The following PTPRF variants were observed in gnomAD, a reference collection of about 807,000 sequenced individuals.
The protein encoded by PTPRF is receptor-type tyrosine-protein phosphatase F.
A neutral mutation model predicts 201.8 loss-of-function variants in PTPRF; 59 were observed. The observed-to-expected ratio is 0.29, with a 90% confidence interval of 0.24 to 0.36. The LOEUF is 0.36. PTPRF is among the 10% of genes least tolerant of loss of function. The pLI is 1.00. For missense variants in PTPRF, 2,132 were observed against 2,690.5 expected (o/e 0.79, Z 4.59); for synonymous variants, 1,088 against 1,089.7 (o/e 1.00, Z 0.03).
At chr1:43,612,840 C>A (rs749762482) in intron 22 of PTPRF, 4 of 1,340,526 alleles carry the variant, frequency 3.0e-6, no homozygotes, top group Non-Finnish European at 4.0e-6. Flanking sequence ...GATACTTTGG[C>A]TTCTGTGTCT....
chr1:43,527,009 T>C (rs1362735017), upstream of PTPRF, among the ~76,000 whole-genome samples: 2 of 152,222 alleles, frequency 1.3e-5, no homozygotes, highest in Non-Finnish European at 2.9e-5. Context: ...TAGGGAAATC[T>C]TGCTGATCTG....
chr1:43,618,624 C>A lies in PTPRF; in HGVS notation c.4372-6C>A. The A allele has an allele frequency of 3.1e-6, 5 of 1,593,138 alleles. No homozygotes were observed. Among genetic ancestry groups the A allele is most frequent in the Non-Finnish European group, 4.3e-6 (5 of 1,162,848 alleles). Reference sequence around the variant, plus strand: ...CCTTCAGCCTGCCCTGCTCATCCTCCTGCAGGTAAAATGTGATCAGTACTG... The same window carrying A: ...CCTTCAGCCTGCCCTGCTCATCCTCATGCAGGTAAAATGTGATCAGTACTG... On this transcript the variant is annotated splice_polypyrimidine_tract_variant and splice_region_variant and intron_variant, in intron 25 of 33. Coordinates refer to ENST00000359947, the MANE Select transcript of PTPRF (RefSeq NM_002840.5).
intron 7 of PTPRF, among the ~76,000 whole-genome samples, chr1:43,584,076 G>A (rs902662223): frequency 6.6e-6 from 1 of 152,220 alleles, no homozygotes; most frequent in African/African-American, 2.4e-5. Flanking sequence ...GAGCAGGTCT[G>A]TTTGGGGCTT....
chr1:43,613,497 C>T (rs1384108023), intron 22 of PTPRF, 121 bp from the exon 23 acceptor site: 1 of 812,704 alleles, frequency 1.2e-6, no homozygotes, highest in South Asian at 1.5e-5. Flanking sequence ...TCCATGCCAC[C>T]AGTTCCAAGT....
intron 5 of PTPRF, among the ~76,000 whole-genome samples, chr1:43,567,200 G>A (rs1399129946): frequency 6.6e-6 from 1 of 152,062 alleles, no homozygotes; most frequent in African/African-American, 2.4e-5. Context: ...GGCCCTAGCA[G>A]CCCCGAGTGT....
chr1:43,553,948 G>C lies in PTPRF; in HGVS notation c.379+7G>C. 6.2e-7 allele frequency: 1 copy of C among 1,613,580 alleles called. No individual in the cohort carries two copies. Among genetic ancestry groups the C allele is most frequent in the Non-Finnish European group, 8.5e-7 (1 of 1,179,582 alleles). On this transcript the variant is annotated splice_region_variant and intron_variant, in intron 5 of 33. Transcript: ENST00000359947. The surrounding 1 kb of genome is among the most constrained non-coding windows in gnomAD (Gnocchi z 4.1). Reference sequence around the variant, plus strand: ...AAGCTCTCAGTGCTCGAAGGTACGTGCTAGGGAGACGTGGCACGGTGGGCT... The same window carrying C: ...AAGCTCTCAGTGCTCGAAGGTACGTCCTAGGGAGACGTGGCACGGTGGGCT...
Position 43,603,368 on chromosome 1 carries a change from C to A in PTPRF, c.2341-48C>A. On this transcript the variant is annotated intron_variant, in intron 14 of 33. Coordinates refer to ENST00000359947, the MANE Select transcript of PTPRF (RefSeq NM_002840.5). This position sits in a 1 kb window ranked among gnomAD's most constrained non-coding sequence, Gnocchi z 5.8. ...CCTGAGGTCCCTGACAAGGTCTGGC[C>A]TCTCCCTGCATTCTTGTGATGGGAA... 4 of 1,552,414 alleles carry A rather than the reference C, an allele frequency of 2.6e-6. No homozygotes were observed. The highest frequency in any genetic ancestry group is 2.7e-6 in the Non-Finnish European group (3 of 1,124,024).
chr1:43,592,550 A>C lies in PTPRF; in HGVS notation c.1762A>C (p.Met588Leu). The change falls in exon 11 of 34, where the codon ATG (methionine) becomes CTG (leucine). Residue 588 changes from methionine (M) to leucine (L), a missense_variant. By Grantham distance (15) the Met-to-Leu change is conservative. Coordinates refer to ENST00000359947, the MANE Select transcript of PTPRF (RefSeq NM_002840.5). The part of the protein sequence containing the change: ...YRFQLAARSD[M>L]GVGVFTPTIE... ...CTTCCAGCTGGCTGCACGCTCGGAT[A>C]TGGGGGTGGGCGTCTTCACCCCCAC... 6.2e-7 allele frequency: 1 copy of C among 1,610,774 alleles called. No homozygotes were observed. The highest frequency in any genetic ancestry group is 8.5e-7 in the Non-Finnish European group (1 of 1,178,968).
chr1:43,527,388 G>A (rs1054587971), upstream of PTPRF, among the ~76,000 whole-genome samples: 1 of 152,208 alleles, frequency 6.6e-6, no homozygotes. Context: ...CCCAGGCCCG[G>A]CCACCTGAGC....
chr1:43,532,995 A>G lies in PTPRF; in HGVS notation c.-126+1905A>G, dbSNP rs150073185. Among the ~76,000 whole-genome samples, 12 of 152,330 alleles carry G rather than the reference A, an allele frequency of 7.9e-5. 1 individual carries two copies. The East Asian group carries it at 2.1e-3, about 27-fold the overall frequency. On this transcript the variant is annotated intron_variant, in intron 1 of 33. Coordinates refer to ENST00000359947, the MANE Select transcript of PTPRF (RefSeq NM_002840.5). Reference sequence around the variant, plus strand: ...GCACACTCTCGCAGCATACCTGTGCACATGCACAGTCATCCTTGTGTATTT... The same window carrying G: ...GCACACTCTCGCAGCATACCTGTGCGCATGCACAGTCATCCTTGTGTATTT...
In PTPRF at chr1:43,537,285, C is replaced by T. The variant is rs922457381; in HGVS notation, c.-125-913C>T. ...GGCTCTGTCGCTGCATGTGTGCCAG[C>T]GGAGGAGGCATCCAGGGGCACGCCT... On this transcript the variant is annotated intron_variant, in intron 1 of 33. Transcript: ENST00000359947. This position sits in a 1 kb window ranked among gnomAD's most constrained non-coding sequence, Gnocchi z 4.8. 2.0e-5 allele frequency among the ~76,000 whole-genome samples: 3 copies of T among 152,134 alleles called. No individual in the cohort carries two copies. Among genetic ancestry groups the T allele is most frequent in the East Asian group, 3.8e-4 (2 of 5,200 alleles).
At chr1:43,579,522 G>T (rs1647173339) in intron 7 of PTPRF, 2 of 316,836 alleles carry the variant, frequency 6.3e-6, no homozygotes, top group Admixed American at 4.6e-5. Context: ...GTGTGTTCCA[G>T]ATGTTCTTTG....
At chr1:43,552,946 C>T (rs1027700348) in intron 3 of PTPRF, among the ~76,000 whole-genome samples, 8 of 152,126 alleles carry the variant, frequency 5.3e-5, no homozygotes, top group Non-Finnish European at 1.5e-5. Context: ...ACTGGACTGT[C>T]TAGGCCTTTG....
chr1:43,560,991 G>C (rs1645769650), intron 5 of PTPRF, among the ~76,000 whole-genome samples: 1 of 152,134 alleles, frequency 6.6e-6, no homozygotes, highest in African/African-American at 2.4e-5. Flanking sequence ...TCTGGGGAAG[G>C]GCTGTCCGGC....
At position 43,603,763 on chromosome 1, in the gene PTPRF, G is replaced by A. The variant is rs778225680; in HGVS notation, c.2611G>A (p.Gly871Ser). The A allele has an allele frequency of 9.3e-6, 15 of 1,614,010 alleles. No homozygotes were observed. The highest frequency in any genetic ancestry group is 8.9e-5 in the East Asian group (4 of 44,866). The change falls in exon 16 of 34, where the codon GGC becomes AGC. Residue 871 changes from glycine to serine, a missense_variant. By Grantham distance (56) the Gly-to-Ser change is moderately conservative. This residue lies in a region of PTPRF where 818 missense variants were observed against 915.3 expected (regional missense o/e 0.89). Transcript: ENST00000359947. The surrounding 1 kb of genome is among the most constrained non-coding windows in gnomAD (Gnocchi z 5.8). ...GGCGCGGCCCAACACCATAGATTTC[G>A]GCAAGGATGACCAGCACTTCACAGT... Reference protein sequence around the residue: ...DEARPNTIDFGKDDQHFTVTG... With the variant: ...DEARPNTIDFSKDDQHFTVTG...
chr1:43,538,362 G>A (rs981453437), intron 2 of PTPRF, 85 bp downstream of exon 2: 4 of 398,360 alleles, frequency 1.0e-5, no homozygotes, highest in East Asian at 3.6e-5. Context: ...TTGATGCAGG[G>A]TCAGTGGAGA....
intron 11 of PTPRF, among the ~76,000 whole-genome samples, chr1:43,597,223 A>G (rs779817348): frequency 6.6e-6 from 1 of 152,150 alleles, no homozygotes; most frequent in African/African-American, 2.4e-5. Flanking sequence ...GACAGTGTAT[A>G]TGACACTGTA....
intron 11 of PTPRF, among the ~76,000 whole-genome samples, chr1:43,596,676 C>T (rs1474161156): frequency 6.6e-6 from 1 of 152,118 alleles, no homozygotes; most frequent in Non-Finnish European, 1.5e-5. Flanking sequence ...TGCCTTATGC[C>T]AAAAGGGCCA....
intron 23 of PTPRF, among the ~76,000 whole-genome samples, chr1:43,613,918 A>T (rs1057096519): frequency 2.6e-5 from 4 of 152,160 alleles, no homozygotes; most frequent in Admixed American, 6.5e-5. Flanking sequence ...CTGGCCCAGC[A>T]CCTTCTTGGG....
Sources: gnomAD v4.1 joint callset for allele counts (sites outside exome capture counted in the v4.1 genomes callset) on GRCh38, gnomAD v4.1.1 for gene constraint, gnomAD v4.1.1 regional missense constraint, Gnocchi (gnomAD v3.1) non-coding constraint, MANE v1.5 for transcripts, NCBI Gene and HGNC (gene_info 2026-07-23, HGNC 2026-07-21) for gene names.